HTN3: variants seen among roughly 807,000 people sequenced by gnomAD.
HTN3 encodes the protein histatin 3.
Under a neutral mutation model 10.6 loss-of-function variants are expected in HTN3, and 15 were observed. The observed-to-expected ratio is 1.42, with a 90% CI of 0.95 to 2.18. HTN3 has a LOEUF of 2.18. Among genes scored for constraint, HTN3 ranks in the 30% most tolerant of loss-of-function variants. HTN3 has a pLI of 0.00. For missense variants in HTN3, 68 were observed against 58.0 expected, an observed-to-expected ratio of 1.17 and a Z score of -0.56; for synonymous variants, 15 against 16.9, an observed-to-expected ratio of 0.89 and a Z score of 0.27.
chr4:70,035,640 A>G (rs766672077), intron 5 of HTN3, among the ~76,000 whole-genome samples: 1 of 152,244 alleles, frequency 6.6e-6, no homozygotes, highest in Non-Finnish European at 1.5e-5. Flanking sequence ...TCAAGGAAAT[A>G]TGATATGGTA....
rs780158080 is a variant in HTN3 at position 70,031,984 on chromosome 4, T to C, written c.57T>C (p.Ala19=). ...TCATTTTCTTCTTTTCCAAGGGAGC[T>C]GATTCACATGCAAAGGTAAGACATT... ...ILALMLSMTG[A]DSHAKRHHGY... is the part of the protein sequence containing the mutation. The change falls in exon 3 of 6, where the codon GCT becomes GCC. Residue 19 remains alanine (A), a synonymous_variant. Transcript: ENST00000673563. 1.3e-5 allele frequency: 20 copies of C among 1,550,298 alleles called. No individual in the cohort carries two copies. In the African/African-American group the frequency reaches 1.8e-4, roughly 14 times the overall value.
intron 3 of HTN3, 22 bp downstream of exon 3, chr4:70,032,021 G>C (rs772562109): frequency 4.5e-6 from 7 of 1,565,486 alleles, no homozygotes; most frequent in Non-Finnish European, 5.3e-6. Context: ...TCATTTACTG[G>C]AAAACTTGAT....
intron 1 of HTN3, among the ~76,000 whole-genome samples, 174 bp from the exon 2 acceptor site, chr4:70,030,554 T>C (rs1725357917): frequency 6.6e-6 from 1 of 152,152 alleles, no homozygotes; most frequent in South Asian, 2.1e-4. Context: ...AGTGGGAGGA[T>C]GGCTTGAGCC....
At chr4:70,031,866 A>G in intron 2 of HTN3, 113 bp from the exon 3 acceptor site, 1 of 735,940 alleles carries the variant, frequency 1.4e-6, no homozygotes, top group African/African-American at 1.8e-5. Flanking sequence ...GTCATCATCC[A>G]AAGAATGCCT....
chr4:70,034,984 G>T (rs550198916), intron 5 of HTN3, among the ~76,000 whole-genome samples: 41 of 152,224 alleles, frequency 2.7e-4, no homozygotes, highest in African/African-American at 8.9e-4. Context: ...ACTCATAAGT[G>T]GGAGCTGAAC....
At position 70,033,236 on chromosome 4, in the gene HTN3, CGGGG is replaced by C; in HGVS notation, c.*17_*20del. ...TGACAATTGATATCTTCAGTAATCA[CGGGG>C]CATGATTATGGAGGTAAGCTGACTC... On this transcript the variant is annotated 3_prime_UTR_variant, in exon 5 of 6. Coordinates refer to ENST00000673563, the MANE Select transcript of HTN3 (RefSeq NM_000200.3). The C allele has an allele frequency of 4.6e-6, 7 of 1,522,938 alleles. No individual in the cohort carries two copies. Among genetic ancestry groups the C allele is most frequent in the Non-Finnish European group, 6.3e-6 (7 of 1,104,540 alleles). The allele number at this position is 1,522,938 out of a possible 1,614,324, so 94.3% of individuals were successfully genotyped here.
At chr4:70,031,145 C>G (rs1725374088) in intron 2 of HTN3, 2 of 187,782 alleles carry the variant, frequency 1.1e-5, no homozygotes, top group South Asian at 2.2e-4. Context: ...TTCAATGGAA[C>G]CTAAGTATTA....
rs766973228 is a variant in HTN3 at position 70,030,791 on chromosome 4, T to G, written c.51T>G (p.Thr17=). 1.9e-6 allele frequency: 3 copies of G among 1,609,484 alleles called. No individual in the cohort carries two copies. Among genetic ancestry groups the G allele is most frequent in the Non-Finnish European group, 2.6e-6 (3 of 1,176,046 alleles). ...TCTTGGCTCTCATGCTTTCCATGACTGTAAGTATATCTGGAAGTTTTAAAG... is the reference window on the plus strand; with the variant it reads ...TCTTGGCTCTCATGCTTTCCATGACGGTAAGTATATCTGGAAGTTTTAAAG... ...ALILALMLSM[T]GADSHAKRHH... is the part of the protein sequence containing the mutation. The change falls in exon 2 of 6, where the codon ACT becomes ACG. Residue 17 remains threonine (T), a splice_region_variant and synonymous_variant. Coordinates refer to ENST00000673563, the MANE Select transcript of HTN3 (RefSeq NM_000200.3).
chr4:70,032,753 A>T (rs17147984), intron 4 of HTN3, among the ~76,000 whole-genome samples: 2,190 of 152,154 alleles, frequency 0.014, 24 homozygotes, highest in East Asian at 0.033. Context: ...TAGGAGTTGT[A>T]AGAGAAAGTA....
Position 70,030,725 on chromosome 4 carries a change from T to C in HTN3, c.-13-3T>C. ...TACTGATTTTTCATGTTTGATTTTA[T>C]AGGACTCAGCCAACTATGAAGTTTT... On this transcript the variant is annotated splice_region_variant and splice_polypyrimidine_tract_variant and intron_variant, in intron 1 of 5. Coordinates refer to ENST00000673563, the MANE Select transcript of HTN3 (RefSeq NM_000200.3). 5 of 1,596,038 alleles carry C rather than the reference T, an allele frequency of 3.1e-6. No individual in the cohort carries two copies. Among genetic ancestry groups the C allele is most frequent in the Non-Finnish European group, 4.3e-6 (5 of 1,163,990 alleles).
At chr4:70,031,702 T>C (rs184207016) in intron 2 of HTN3, among the ~76,000 whole-genome samples, 3 of 152,216 alleles carry the variant, frequency 2.0e-5, no homozygotes, top group African/African-American at 7.2e-5. Context: ...GTTTCCACTC[T>C]CTTATTCACC....
chr4:70,031,698 AC>A lies in HTN3; in HGVS notation c.52-280del, dbSNP rs1660453368. 3.3e-5 allele frequency among the ~76,000 whole-genome samples: 5 copies of A among 152,152 alleles called. No homozygotes were observed. In the East Asian group the frequency reaches 9.7e-4, roughly 29 times the overall value. On this transcript the variant is annotated intron_variant, in intron 2 of 5. Transcript: ENST00000673563. The stretch of plus-strand genomic sequence containing the variant: ...TCCAATGTTTCATTTTTCAGTTTCC[AC>A]TCTCTTATTCACCAATGATAGACTT...
rs1203473555 is a variant in HTN3 at position 70,033,160 on chromosome 4, T to C, written c.103-7T>C. 4.4e-6 allele frequency: 7 copies of C among 1,602,110 alleles called. No homozygotes were observed. The East Asian group carries it at 9.0e-5, about 20-fold the overall frequency. On this transcript the variant is annotated splice_region_variant and splice_polypyrimidine_tract_variant and intron_variant, in intron 4 of 5. Coordinates refer to ENST00000673563, the MANE Select transcript of HTN3 (RefSeq NM_000200.3). ...GCAATTTGCTCTCTCCTTTTGTGTGTATGCAGGAAAAGCATCATTCACATC... is the reference window on the plus strand; with the variant it reads ...GCAATTTGCTCTCTCCTTTTGTGTGCATGCAGGAAAAGCATCATTCACATC...
intron 1 of HTN3, among the ~76,000 whole-genome samples, 163 bp downstream of exon 1, chr4:70,028,679 T>C (rs1417535336): frequency 1.3e-5 from 2 of 152,138 alleles, no homozygotes; most frequent in African/African-American, 4.8e-5. Context: ...AGATCTCAAT[T>C]CCTATGAATT....
At position 70,030,796 on chromosome 4, in the gene HTN3, G is replaced by A. The variant is rs201203281; in HGVS notation, c.51+5G>A. 159 of 1,607,472 alleles carry A rather than the reference G, an allele frequency of 9.9e-5. No homozygotes were observed. Among genetic ancestry groups the A allele is most frequent in the Middle Eastern group, 6.6e-4 (4 of 6,038 alleles). ...GCTCTCATGCTTTCCATGACTGTAA[G>A]TATATCTGGAAGTTTTAAAGGATAC... On this transcript the variant is annotated splice_donor_5th_base_variant and intron_variant, in intron 2 of 5. Coordinates refer to ENST00000673563, the MANE Select transcript of HTN3 (RefSeq NM_000200.3).
intron 4 of HTN3, 32 bp downstream of exon 4, chr4:70,032,139 A>G (rs1291748949): frequency 5.7e-6 from 8 of 1,395,306 alleles, no homozygotes; most frequent in South Asian, 3.7e-5. Context: ...TGCACTCTGA[A>G]TAAGTTTTCT....
At chr4:70,036,049 A>AATTGCAG (rs1422207751) in intron 5 of HTN3, among the ~76,000 whole-genome samples, 2 of 152,182 alleles carry the variant, frequency 1.3e-5, no homozygotes, top group South Asian at 2.1e-4. Flanking sequence ...TTTAAATTTA[A>AATTGCAG]ATTGCAGATG....
intron 2 of HTN3, 155 bp downstream of exon 2, chr4:70,030,946 T>C: frequency 1.7e-6 from 1 of 599,448 alleles, no homozygotes; most frequent in South Asian, 1.9e-5. Flanking sequence ...ATATAAGTTC[T>C]TAAAGGACTT....
chr4:70,031,675 C>T (rs1364531519), intron 2 of HTN3, among the ~76,000 whole-genome samples: 3 of 151,942 alleles, frequency 2.0e-5, no homozygotes, highest in Non-Finnish European at 4.4e-5. Context: ...AAAAACAATC[C>T]AATGTTTCAT....
Sources: allele counts gnomAD v4.1 joint callset (sites outside exome capture counted in the v4.1 genomes callset), GRCh38; gene constraint gnomAD v4.1.1; transcripts MANE v1.5; gene names NCBI Gene and HGNC (gene_info 2026-07-23, HGNC 2026-07-21).